Variants in IHO1 observed in about 807,000 individuals in gnomAD.
The protein encoded by IHO1 is interactor of HORMAD1 1, also known as interactor of HORMAD1 protein 1.
In IHO1, 13 loss-of-function variants were observed where a neutral mutation model predicts 31.0. That is an observed-to-expected ratio of 0.42 (90% CI 0.27 to 0.67). The LOEUF (loss-of-function observed/expected upper bound fraction) is 0.67, where lower values mean the gene tolerates loss of function less well. Among genes scored for constraint, IHO1 ranks in the 30% least tolerant of loss-of-function variants. The probability of loss-of-function intolerance (pLI) is 0.24; values close to 1 mark genes in which losing one functional copy is unlikely to be tolerated. For synonymous variants in IHO1, 221 were observed against 248.4 expected (o/e 0.89, Z 1.04); for missense variants, 599 against 687.5 (o/e 0.87, Z 1.44).
intron 2 of IHO1, among the ~76,000 whole-genome samples, chr3:49,234,005 C>T (rs1263177665): frequency 6.6e-6 from 1 of 152,014 alleles, no homozygotes; most frequent in Non-Finnish European, 1.5e-5. Context: ...TTTAGTTAAT[C>T]TATAATCTAT....
intron 6 of IHO1, among the ~76,000 whole-genome samples, chr3:49,246,179 CA>C (rs71278650): frequency 0.018 from 872 of 47,790 alleles, 1 homozygote; most frequent in African/African-American, 0.035. Flanking sequence ...GAGACTCCGT[CA>C]AAAAAAAAAA....
intron 1 of IHO1, chr3:49,200,550 C>T (rs1298267177): frequency 1.9e-5 from 19 of 976,782 alleles, no homozygotes; most frequent in Non-Finnish European, 2.1e-5. Flanking sequence ...GAGTTGACGA[C>T]GGTGGTCAGA....
intron 2 of IHO1, among the ~76,000 whole-genome samples, chr3:49,232,878 G>T (rs990927053): frequency 6.6e-6 from 1 of 152,064 alleles, no homozygotes; most frequent in Non-Finnish European, 1.5e-5. Context: ...ATCTTGGCTG[G>T]CAATAACGCC....
chr3:49,219,902 A>G (rs1253696241), intron 2 of IHO1, among the ~76,000 whole-genome samples: 1 of 152,220 alleles, frequency 6.6e-6, no homozygotes, highest in Non-Finnish European at 1.5e-5. Context: ...GTAATGGAGC[A>G]GGTTTGCTTG....
upstream of IHO1, among the ~76,000 whole-genome samples, chr3:49,193,961 C>CA (rs1243651891): frequency 8.9e-3 from 930 of 104,838 alleles, 5 homozygotes; most frequent in African/African-American, 0.016. Flanking sequence ...GAATCCATCT[C>CA]AAAAAAAAAA....
At chr3:49,205,438 C>T (rs1575563475) in intron 1 of IHO1, among the ~76,000 whole-genome samples, 1 of 151,758 alleles carries the variant, frequency 6.6e-6, no homozygotes, top group Non-Finnish European at 1.5e-5. Context: ...CCTACCTCAG[C>T]CTCCTGAGGA....
At chr3:49,237,720 T>G (rs1173418328) in intron 3 of IHO1, among the ~76,000 whole-genome samples, 2 of 151,888 alleles carry the variant, frequency 1.3e-5, no homozygotes, top group Non-Finnish European at 2.9e-5. Flanking sequence ...ACAGACTTTT[T>G]TAAATAATAA....
chr3:49,194,292 G>GTATA (rs141683116), upstream of IHO1, among the ~76,000 whole-genome samples: 2,997 of 120,056 alleles, frequency 0.025, 93 homozygotes, highest in African/African-American at 0.076. Context: ...AGTACAAAGT[G>GTATA]TATATATATA....
At chr3:49,214,637 T>TTTTTTTTTTG (rs2046266380) in intron 2 of IHO1, among the ~76,000 whole-genome samples, 1 of 58,546 alleles carries the variant, frequency 1.7e-5, no homozygotes, top group Admixed American at 2.0e-4. Context: ...TATATATTTT[T>TTTTTTTTTTG]TTTTTTTTTT....
chr3:49,209,895 TTTAGTA>T (rs2046186355), intron 1 of IHO1, among the ~76,000 whole-genome samples: 1 of 151,090 alleles, frequency 6.6e-6, no homozygotes, highest in South Asian at 2.1e-4. Flanking sequence ...TTTATATTGT[TTTAGTA>T]GAGACAGGGT....
Position 49,201,283 on chromosome 3 carries a change from G to C in IHO1, c.-16+1710G>C, listed in dbSNP as rs571421818. Among the ~76,000 whole-genome samples the C allele has an allele frequency of 9.1e-4, 138 of 151,326 alleles. 1 individual carries two copies. Among genetic ancestry groups the C allele is most frequent in the African/African-American group, 3.2e-3 (133 of 41,428 alleles). ...GCTGGGATTACAGGCATGAACCACC[G>C]CACCCGGCCATTTACCACAATTTTT... On this transcript the variant is annotated intron_variant, in intron 1 of 7. Coordinates refer to ENST00000452691, the MANE Select transcript of IHO1 (RefSeq NM_001135197.2).
Position 49,256,579 on chromosome 3 carries a change from C to T in IHO1, c.1082C>T (p.Ala361Val). ...KVVQTNCKNW[A>V]VTKTGAKNHG... is the part of the protein sequence containing the mutation. ...GTGCAGACTAACTGCAAGAACTGGGCTGTTACTAAAACAGGTGCCAAGAAC... is the reference window on the plus strand; with the variant it reads ...GTGCAGACTAACTGCAAGAACTGGGTTGTTACTAAAACAGGTGCCAAGAAC... Residue 361 changes from alanine (A) to valine (V), a missense_variant, in exon 8 of 8, where the codon GCT becomes GTT. Ala to Val is a moderately conservative substitution (Grantham distance 64). Transcript: ENST00000452691. The surrounding 1 kb of genome is among the most constrained non-coding windows in gnomAD (Gnocchi z 4.6). 6.2e-7 allele frequency: 1 copy of T among 1,614,200 alleles called. No homozygotes were observed. The highest frequency in any genetic ancestry group is 8.5e-7 in the Non-Finnish European group (1 of 1,180,038).
chr3:49,232,350 G>C (rs1358257214), intron 2 of IHO1, among the ~76,000 whole-genome samples: 2 of 152,218 alleles, frequency 1.3e-5, no homozygotes, highest in African/African-American at 4.8e-5. Flanking sequence ...TTTGGAGCCT[G>C]CCTAAAGGCC....
At chr3:49,233,460 G>T (rs1458555261) in intron 2 of IHO1, among the ~76,000 whole-genome samples, 1 of 152,202 alleles carries the variant, frequency 6.6e-6, no homozygotes, top group Non-Finnish European at 1.5e-5. Flanking sequence ...TGACCTTAAT[G>T]CCAGGAACTG....
chr3:49,212,560 T>C (rs1459190228), intron 2 of IHO1, among the ~76,000 whole-genome samples: 1 of 150,030 alleles, frequency 6.7e-6, no homozygotes, highest in Non-Finnish European at 1.5e-5. Context: ...CAGGTTATAA[T>C]AATGGAAGTG....
chr3:49,202,911 G>A (rs1272485312), intron 1 of IHO1, among the ~76,000 whole-genome samples: 5 of 144,440 alleles, frequency 3.5e-5, no homozygotes, highest in African/African-American at 7.7e-5. Flanking sequence ...GCCGGACTGC[G>A]GACCGCAGTG....
At chr3:49,255,998 G>T in intron 7 of IHO1, 136 bp from the exon 8 acceptor site, 1 of 748,276 alleles carries the variant, frequency 1.3e-6, no homozygotes, top group Non-Finnish European at 2.2e-6. Context: ...GAGTGTAATT[G>T]TGCTTACCCT....
At chr3:49,241,128 T>C (rs546159747) in intron 3 of IHO1, 98 bp from the exon 4 acceptor site, 1 of 832,574 alleles carries the variant, frequency 1.2e-6, no homozygotes, top group East Asian at 2.9e-5. Context: ...TACAGCAATA[T>C]GGTTTGCACT....
chr3:49,194,991 C>T (rs943965067), upstream of IHO1, among the ~76,000 whole-genome samples: 4 of 152,206 alleles, frequency 2.6e-5, no homozygotes, highest in African/African-American at 9.6e-5. Context: ...TGGGTCACTC[C>T]TGTAATCCCA....
Sources: allele counts gnomAD v4.1 joint callset (sites outside exome capture counted in the v4.1 genomes callset), GRCh38; gene constraint gnomAD v4.1.1; non-coding constraint Gnocchi (gnomAD v3.1); transcripts MANE v1.5; gene names NCBI Gene and HGNC (gene_info 2026-07-23, HGNC 2026-07-21).